ZCCHC14: variants seen among roughly 807,000 people sequenced by gnomAD.
ZCCHC14 encodes the protein zinc finger CCHC-type containing 14.
ZCCHC14 carries 16 observed loss-of-function variants against 85.0 expected under a neutral mutation model. That is an observed-to-expected ratio of 0.19 (90% CI 0.13 to 0.29). The LOEUF (loss-of-function observed/expected upper bound fraction) is 0.29, where lower values mean the gene tolerates loss of function less well. ZCCHC14 is among the 10% of genes least tolerant of loss of function. The probability of loss-of-function intolerance (pLI) is 1.00; values close to 1 mark genes in which losing one functional copy is unlikely to be tolerated. For missense variants in ZCCHC14, 1,303 were observed against 1,443.5 expected (o/e 0.90, Z 1.58); for synonymous variants, 775 against 630.7 (o/e 1.23, Z -3.43).
intron 7 of ZCCHC14, 126 bp from the exon 8 acceptor site, chr16:87,417,868 G>T: frequency 1.7e-6 from 2 of 1,206,944 alleles, no homozygotes; most frequent in Non-Finnish European, 1.1e-6. Context: ...TGTTGTCACA[G>T]GCCACCCTGA....
chr16:87,408,897 A>G lies in ZCCHC14; in HGVS notation c.*1383T>C, dbSNP rs1391580656. ...AAATCCCAACTGCAAGATTTTACCA[A>G]TCAGTATTTTAACATTGAAGACTTT... On this transcript the variant is annotated 3_prime_UTR_variant, in exon 13 of 13. Transcript: ENST00000671377. The G allele has an allele frequency of 6.6e-6, 1 of 152,668 alleles. No individual in the cohort carries two copies. The highest frequency in any genetic ancestry group is 1.5e-5 in the Non-Finnish European group (1 of 68,048). The allele number at this position is 152,668 out of a possible 1,614,324, so 9.5% of individuals were successfully genotyped here.
intron 2 of ZCCHC14, among the ~76,000 whole-genome samples, chr16:87,434,550 A>G (rs577831473): frequency 2.0e-5 from 3 of 152,234 alleles, no homozygotes; most frequent in Admixed American, 1.3e-4. Context: ...AATACTCAAC[A>G]CAACTTCTCA....
chr16:87,418,056 T>C (rs1396224125), intron 7 of ZCCHC14: 1 of 381,578 alleles, frequency 2.6e-6, no homozygotes, highest in East Asian at 4.0e-5. Context: ...ATGTGTATTA[T>C]GTATGTGTAC....
intron 2 of ZCCHC14, among the ~76,000 whole-genome samples, chr16:87,451,168 G>C (rs1339175994): frequency 6.6e-6 from 1 of 150,978 alleles, no homozygotes; most frequent in Admixed American, 6.6e-5. Context: ...CCAAAGTGCT[G>C]GGATTACAGG....
intron 3 of ZCCHC14, among the ~76,000 whole-genome samples, chr16:87,427,525 G>T (rs1909435363): frequency 6.6e-6 from 1 of 152,086 alleles, no homozygotes; most frequent in African/African-American, 2.4e-5. Flanking sequence ...CGATCCTTGT[G>T]CTTCAGCCAC....
chr16:87,468,784 G>A (rs902680865), intron 1 of ZCCHC14, among the ~76,000 whole-genome samples: 3 of 152,202 alleles, frequency 2.0e-5, no homozygotes, highest in African/African-American at 7.2e-5. Context: ...CAGCGATGCT[G>A]TTAAACATCC....
At chr16:87,415,870 C>T (rs1051867446) in intron 8 of ZCCHC14, among the ~76,000 whole-genome samples, 2 of 152,194 alleles carry the variant, frequency 1.3e-5, no homozygotes, top group East Asian at 1.9e-4. Flanking sequence ...GCGGGATGGT[C>T]GTCTTTTTCT....
Position 87,467,269 on chromosome 16 carries a change from G to A in ZCCHC14, c.571-7138C>T, listed in dbSNP as rs192921939. ...TACCGGACACTAAACCCAAAATTAA[G>A]GATAATGGAGATCTGGTTTTTATCA... On this transcript the variant is annotated intron_variant, in intron 1 of 12. Coordinates refer to ENST00000671377, the MANE Select transcript of ZCCHC14 (RefSeq NM_015144.3). 8 of 1,577,356 alleles carry A rather than the reference G, an allele frequency of 5.1e-6. No homozygotes were observed. In the African/African-American group the frequency reaches 8.1e-5, roughly 16 times the overall value.
intron 1 of ZCCHC14, among the ~76,000 whole-genome samples, chr16:87,461,071 T>G (rs1911232510): frequency 6.6e-6 from 1 of 152,208 alleles, no homozygotes; most frequent in Non-Finnish European, 1.5e-5. Context: ...GACAGAGACC[T>G]GCTAAGCACA....
At chr16:87,433,840 TGC>T (rs1402802844) in intron 2 of ZCCHC14, among the ~76,000 whole-genome samples, 1 of 151,502 alleles carries the variant, frequency 6.6e-6, no homozygotes, top group Non-Finnish European at 1.5e-5. Context: ...GATGGGGTTT[TGC>T]CATGTTGGCC....
rs868686121 is a variant in ZCCHC14 at position 87,492,336 on chromosome 16, A to G, written c.-98T>C. ...CGGCCGGGGCGCGCCGGGACCGGGG[A>G]CGCGCGGGCCGGGGCCGGGTCCGGG... On this transcript the variant is annotated 5_prime_UTR_variant, in exon 1 of 13. Transcript: ENST00000671377. This position sits in a 1 kb window ranked among gnomAD's most constrained non-coding sequence, Gnocchi z 6.7. The G allele has an allele frequency of 0.015, 5,847 of 386,364 alleles. 58 individuals are homozygous for G. The highest frequency in any genetic ancestry group is 0.026 in the Middle Eastern group (19 of 724). 23.9% of individuals were successfully genotyped at this position (386,364 alleles called of 1,614,324 possible). A position where few individuals can be genotyped will look rare whatever the true frequency, so the allele number is the denominator to read the frequency against.
intron 2 of ZCCHC14, among the ~76,000 whole-genome samples, chr16:87,451,656 G>C (rs78775082): frequency 1.3e-5 from 2 of 152,262 alleles, no homozygotes; most frequent in Non-Finnish European, 2.9e-5. Flanking sequence ...GTTCAAAGAA[G>C]TGATGCTGTG....
intron 2 of ZCCHC14, among the ~76,000 whole-genome samples, chr16:87,454,787 T>C (rs1372571821): frequency 1.3e-5 from 2 of 152,226 alleles, no homozygotes; most frequent in African/African-American, 2.4e-5. Flanking sequence ...TTTTACATGG[T>C]GCAGAGCACA....
chr16:87,483,757 G>T (rs371869500), intron 1 of ZCCHC14, among the ~76,000 whole-genome samples: 1 of 152,122 alleles, frequency 6.6e-6, no homozygotes, highest in Non-Finnish European at 1.5e-5. Flanking sequence ...AGCAGATCTC[G>T]GCAACAGGTA....
At chr16:87,463,551 G>C (rs1403672140) in intron 1 of ZCCHC14, among the ~76,000 whole-genome samples, 1 of 152,076 alleles carries the variant, frequency 6.6e-6, no homozygotes. Flanking sequence ...GGGCACGGTG[G>C]CTCACGTCTG....
At chr16:87,436,788 T>G (rs1048665867) in intron 2 of ZCCHC14, among the ~76,000 whole-genome samples, 2 of 152,228 alleles carry the variant, frequency 1.3e-5, no homozygotes, top group Admixed American at 6.5e-5. Flanking sequence ...CATAACATGA[T>G]GACAGTTTTG....
chr16:87,448,857 G>A (rs1007744190), intron 2 of ZCCHC14, among the ~76,000 whole-genome samples: 1 of 152,062 alleles, frequency 6.6e-6, no homozygotes, highest in Non-Finnish European at 1.5e-5. Flanking sequence ...TTTACCCCTC[G>A]TCACACTGAA....
intron 2 of ZCCHC14, among the ~76,000 whole-genome samples, chr16:87,456,287 T>C (rs1424951643): frequency 6.6e-6 from 1 of 152,006 alleles, no homozygotes; most frequent in Non-Finnish European, 1.5e-5. Flanking sequence ...TCCCAGCACT[T>C]TGGGAAGCCG....
chr16:87,447,423 A>G (rs1466987778), intron 2 of ZCCHC14, among the ~76,000 whole-genome samples: 2 of 152,212 alleles, frequency 1.3e-5, no homozygotes, highest in African/African-American at 4.8e-5. Context: ...TTGAATCAAG[A>G]CGCAGTGCTT....
Sources: allele counts gnomAD v4.1 joint callset (sites outside exome capture counted in the v4.1 genomes callset), GRCh38; gene constraint gnomAD v4.1.1; non-coding constraint Gnocchi (gnomAD v3.1); transcripts MANE v1.5; gene names NCBI Gene and HGNC (gene_info 2026-07-23, HGNC 2026-07-21).